The following RAP1GAP2 variants were observed in gnomAD, a reference collection of about 807,000 sequenced individuals.
RAP1GAP2 encodes the protein RAP1 GTPase activating protein 2.
RAP1GAP2 carries 27 observed loss-of-function variants against 95.0 expected under a neutral mutation model. That is an observed-to-expected ratio of 0.28 (90% CI 0.21 to 0.39). The LOEUF is 0.39. RAP1GAP2 is among the 10% of genes least tolerant of loss of function. The pLI, the probability that RAP1GAP2 is intolerant of heterozygous loss-of-function variation, is 1.00. For missense variants in RAP1GAP2, 771 were observed against 970.0 expected (o/e 0.79, Z 2.72); for synonymous variants, 373 against 380.9 (o/e 0.98, Z 0.24).
At chr17:2,771,638 C>T (rs188892316) in intron 2 of RAP1GAP2, among the ~76,000 whole-genome samples, 157 of 151,966 alleles carry the variant, frequency 1.0e-3, no homozygotes, top group African/African-American at 3.5e-3. Context: ...TACAGATGCC[C>T]GCCACCATAC....
At chr17:3,018,277 A>C in intron 18 of RAP1GAP2, 79 bp downstream of exon 18, 1 of 1,480,734 alleles carries the variant, frequency 6.8e-7, no homozygotes, top group Non-Finnish European at 8.9e-7. Context: ...GAGTGCCCCC[A>C]CCCAGGCTTG....
chr17:2,760,788 C>T (rs2071231809), intron 1 of RAP1GAP2, among the ~76,000 whole-genome samples: 1 of 152,106 alleles, frequency 6.6e-6, no homozygotes, highest in Admixed American at 6.6e-5. Context: ...CTCAGACGTT[C>T]CTTGTTTTAG....
intron 3 of RAP1GAP2, among the ~76,000 whole-genome samples, chr17:2,927,434 T>C (rs545279744): frequency 9.9e-5 from 15 of 151,900 alleles, no homozygotes; most frequent in African/African-American, 2.9e-4. Context: ...ATTACAGGCG[T>C]GAGCCACCGC....
At chr17:3,024,890 A>T (rs1343953976) in intron 19 of RAP1GAP2, among the ~76,000 whole-genome samples, 1 of 152,190 alleles carries the variant, frequency 6.6e-6, no homozygotes, top group African/African-American at 2.4e-5. Flanking sequence ...ATTGGGTGGG[A>T]GTTACAGGGA....
At chr17:2,912,323 C>T (rs1478615923) in intron 3 of RAP1GAP2, among the ~76,000 whole-genome samples, 1 of 152,182 alleles carries the variant, frequency 6.6e-6, no homozygotes, top group African/African-American at 2.4e-5. Context: ...GCTTCTGTTC[C>T]AGCTTGTAGC....
Position 2,824,549 on chromosome 17 carries a change from C to T in RAP1GAP2, c.80+23999C>T, listed in dbSNP as rs149055831. On this transcript the variant is annotated intron_variant, in intron 2 of 24. Coordinates refer to ENST00000254695, the MANE Select transcript of RAP1GAP2 (RefSeq NM_015085.5). ...CCTGAGGTCAGGAGTTCGAGACCAG[C>T]CTCAACGTGGAGAAACCCTGTCTCT... is the stretch of plus-strand genomic sequence containing the variant. Among the ~76,000 whole-genome samples, 508 of 150,918 alleles carry T rather than the reference C, an allele frequency of 3.4e-3. 4 individuals carry two copies. Among genetic ancestry groups the T allele is most frequent in the African/African-American group, 0.012 (482 of 41,048 alleles).
At chr17:2,889,878 T>TAC (rs2073635163) in intron 2 of RAP1GAP2, among the ~76,000 whole-genome samples, 2 of 80,266 alleles carry the variant, frequency 2.5e-5, no homozygotes, top group African/African-American at 5.6e-5. Flanking sequence ...TATATATATA[T>TAC]ATATATATAT....
chr17:2,914,860 C>T (rs531322564), intron 3 of RAP1GAP2, among the ~76,000 whole-genome samples: 14 of 148,418 alleles, frequency 9.4e-5, no homozygotes, highest in South Asian at 8.5e-4. Context: ...GGCGCCATCT[C>T]GGCTCACTAC....
chr17:2,812,447 T>G (rs113005440), intron 2 of RAP1GAP2, among the ~76,000 whole-genome samples: 8,262 of 152,198 alleles, frequency 0.054, 316 homozygotes, highest in Middle Eastern at 0.11. Context: ...GACTAACTCT[T>G]CATCCCTCAA....
intron 1 of RAP1GAP2, among the ~76,000 whole-genome samples, chr17:2,761,629 G>A (rs573361670): frequency 6.6e-6 from 1 of 152,158 alleles, no homozygotes; most frequent in East Asian, 1.9e-4. Flanking sequence ...GGTATATACA[G>A]TTGTCCCTTT....
chr17:2,904,365 G>T lies in RAP1GAP2; in HGVS notation c.81-919G>T, dbSNP rs950847534. Among the ~76,000 whole-genome samples, 40 of 152,200 alleles carry T rather than the reference G, an allele frequency of 2.6e-4. 1 individual carries two copies. The highest frequency in any genetic ancestry group is 2.1e-4 in the South Asian group (1 of 4,834). On this transcript the variant is annotated intron_variant, in intron 2 of 24. Transcript: ENST00000254695. This position sits in a 1 kb window ranked among gnomAD's most constrained non-coding sequence, Gnocchi z 4.7. ...ACCAGCGAGGGCCAGATGGAAAGTG[G>T]GGAGTGTGTGAGCGCGGCAAACTTG...
chr17:2,845,769 G>A (rs1392014750), intron 2 of RAP1GAP2, among the ~76,000 whole-genome samples: 3 of 152,074 alleles, frequency 2.0e-5, no homozygotes, highest in Admixed American at 2.0e-4. Context: ...GCTGAGGCAG[G>A]AGAATCGCTT....
intron 11 of RAP1GAP2, among the ~76,000 whole-genome samples, chr17:2,988,179 C>T (rs1261616147): frequency 2.7e-5 from 4 of 150,426 alleles, no homozygotes; most frequent in Admixed American, 2.0e-4. Flanking sequence ...CATTGCACTC[C>T]AGCTGGAGCA....
At chr17:2,812,564 C>A (rs1454992063) in intron 2 of RAP1GAP2, among the ~76,000 whole-genome samples, 1 of 151,986 alleles carries the variant, frequency 6.6e-6, no homozygotes, top group East Asian at 1.9e-4. Context: ...GTGTAGGGAC[C>A]CCCAGCCCCC....
chr17:3,003,044 G>A lies in RAP1GAP2; in HGVS notation c.1201-2325G>A, dbSNP rs1191889988. On this transcript the variant is annotated intron_variant, in intron 14 of 24. Transcript: ENST00000254695. The surrounding 1 kb of genome is among the most constrained non-coding windows in gnomAD (Gnocchi z 4.1). ...CCAGCTGCTTGCTCATGCCAGGCAC[G>A]GTGCTGGGTCCTTAGACGCACAGTC... Among the ~76,000 whole-genome samples, 1 of 152,126 alleles carries A rather than the reference G, an allele frequency of 6.6e-6. No individual in the cohort carries two copies. The highest frequency in any genetic ancestry group is 1.5e-5 in the Non-Finnish European group (1 of 68,018).
intron 2 of RAP1GAP2, among the ~76,000 whole-genome samples, chr17:2,821,719 G>A (rs2070312918): frequency 1.3e-5 from 2 of 152,136 alleles, no homozygotes; most frequent in South Asian, 4.1e-4. Context: ...AATTAAAAAT[G>A]CAGCTCCTCG....
chr17:2,963,103 G>C lies in RAP1GAP2; in HGVS notation c.247-327G>C, dbSNP rs552631720. 270 of 540,794 alleles carry C rather than the reference G, an allele frequency of 5.0e-4. No homozygotes were observed. The highest frequency in any genetic ancestry group is 4.5e-3 in the African/African-American group (237 of 52,434). The allele number at this position is 540,794 out of a possible 1,614,324, so 33.5% of individuals were successfully genotyped here. ...TTATCACTTGGAGGTCAGTCCGCCT[G>C]CCTGGAAAGGGGTGCTGGGGGAGAC... On this transcript the variant is annotated intron_variant, in intron 5 of 24. Coordinates refer to ENST00000254695, the MANE Select transcript of RAP1GAP2 (RefSeq NM_015085.5). This position sits in a 1 kb window ranked among gnomAD's most constrained non-coding sequence, Gnocchi z 4.8.
chr17:3,014,086 C>T (rs992905347), intron 17 of RAP1GAP2, among the ~76,000 whole-genome samples: 1 of 151,130 alleles, frequency 6.6e-6, no homozygotes, highest in Non-Finnish European at 1.5e-5. Context: ...CCGTGGCTGC[C>T]AGCACAGACC....
At chr17:2,922,652 C>G (rs756484849) in intron 3 of RAP1GAP2, among the ~76,000 whole-genome samples, 4 of 152,104 alleles carry the variant, frequency 2.6e-5, no homozygotes, top group Non-Finnish European at 4.4e-5. Flanking sequence ...GCATGATCTT[C>G]CCATCCCTGC....
Sources: gnomAD v4.1 joint callset for allele counts (sites outside exome capture counted in the v4.1 genomes callset) on GRCh38, gnomAD v4.1.1 for gene constraint, Gnocchi (gnomAD v3.1) non-coding constraint, MANE v1.5 for transcripts, NCBI Gene and HGNC (gene_info 2026-07-23, HGNC 2026-07-21) for gene names.